STK3: variants seen among roughly 807,000 people sequenced by gnomAD.
STK3 encodes serine/threonine kinase 3, also known as serine/threonine-protein kinase 3.
Under a neutral mutation model 58.0 loss-of-function variants are expected in STK3, and 41 were observed. The ratio of observed to expected loss-of-function variants is 0.71; its 90% confidence interval spans 0.55 to 0.92. The LOEUF is 0.92. Ranked by LOEUF, STK3 falls within the 40% of genes least tolerant of loss-of-function variation. The pLI is 0.00. For missense variants in STK3, 479 were observed against 602.7 expected (o/e 0.79, Z 2.15); for synonymous variants, 170 against 191.0 (o/e 0.89, Z 0.91).
chr8:98,647,827 C>A (rs1012936075), intron 6 of STK3, among the ~76,000 whole-genome samples: 12 of 152,150 alleles, frequency 7.9e-5, no homozygotes, highest in African/African-American at 2.9e-4. Flanking sequence ...TATCTAATGT[C>A]TCCTCCTTAA....
intron 6 of STK3, among the ~76,000 whole-genome samples, chr8:98,660,077 A>AT (rs1304660360): frequency 6.6e-6 from 1 of 152,078 alleles, no homozygotes; most frequent in Non-Finnish European, 1.5e-5. Context: ...ATATAATTGA[A>AT]TATTATTTAG....
At chr8:98,507,166 T>A (rs1824163200) in intron 10 of STK3, among the ~76,000 whole-genome samples, 1 of 152,202 alleles carries the variant, frequency 6.6e-6, no homozygotes, top group South Asian at 2.1e-4. Flanking sequence ...TGGTTTTAAA[T>A]ACCATCTATA....
At chr8:98,859,736 T>C (rs914250056) in intron 3 of STK3, among the ~76,000 whole-genome samples, 1 of 152,212 alleles carries the variant, frequency 6.6e-6, no homozygotes, top group Non-Finnish European at 1.5e-5. Context: ...AGCATGACCA[T>C]GCTTATGTAT....
At chr8:98,742,970 C>A (rs1285250206) in intron 4 of STK3, among the ~76,000 whole-genome samples, 10 of 151,866 alleles carry the variant, frequency 6.6e-5, no homozygotes, top group African/African-American at 1.9e-4. Context: ...TGAGTGAATT[C>A]CCATTCACAA....
At chr8:98,725,409 C>T (rs377707462) in intron 4 of STK3, among the ~76,000 whole-genome samples, 2 of 151,960 alleles carry the variant, frequency 1.3e-5, no homozygotes, top group African/African-American at 2.4e-5. Flanking sequence ...ACAATGTGCT[C>T]GTGTTATGTT....
chr8:98,534,057 T>C (rs550114270), intron 9 of STK3, among the ~76,000 whole-genome samples: 2 of 152,348 alleles, frequency 1.3e-5, no homozygotes, highest in African/African-American at 4.8e-5. Flanking sequence ...GTATTGTGAC[T>C]ACTACAATTA....
At chr8:98,661,974 C>T (rs1237067402) in intron 6 of STK3, among the ~76,000 whole-genome samples, 1 of 152,046 alleles carries the variant, frequency 6.6e-6, no homozygotes, top group Non-Finnish European at 1.5e-5. Flanking sequence ...CTATAAACAC[C>T]TGCTTGCTAT....
At chr8:98,519,914 C>T (rs958893321) in intron 10 of STK3, among the ~76,000 whole-genome samples, 1 of 152,114 alleles carries the variant, frequency 6.6e-6, no homozygotes, top group Non-Finnish European at 1.5e-5. Context: ...CTAGTAATTA[C>T]TGTCAATCCA....
chr8:98,588,173 G>C (rs1165498263), intron 7 of STK3, among the ~76,000 whole-genome samples: 2 of 151,996 alleles, frequency 1.3e-5, no homozygotes, highest in Admixed American at 6.5e-5. Context: ...CTCGTTAGTT[G>C]ATGCAGTTTC....
chr8:98,740,765 G>A (rs1587479552), intron 4 of STK3, among the ~76,000 whole-genome samples: 1 of 152,198 alleles, frequency 6.6e-6, no homozygotes, highest in East Asian at 1.9e-4. Context: ...AAATGTAAAT[G>A]GACTAAATGC....
At chr8:98,659,553 G>GA (rs1325353525) in intron 6 of STK3, among the ~76,000 whole-genome samples, 1 of 151,010 alleles carries the variant, frequency 6.6e-6, no homozygotes, top group Non-Finnish European at 1.5e-5. Flanking sequence ...TTGCTCAGTT[G>GA]AAAAGTTATA....
At chr8:98,615,143 G>A (rs1355266968) in intron 6 of STK3, among the ~76,000 whole-genome samples, 1 of 151,778 alleles carries the variant, frequency 6.6e-6, no homozygotes, top group African/African-American at 2.4e-5. Context: ...CCTCAAGTGG[G>A]TCCCTGACCC....
chr8:98,696,731 T>C (rs1201979468), intron 6 of STK3, among the ~76,000 whole-genome samples: 1 of 152,136 alleles, frequency 6.6e-6, no homozygotes. Context: ...TGGATAAGCT[T>C]TTTGATGTGC....
chr8:98,840,105 G>C (rs1835909257), intron 3 of STK3, among the ~76,000 whole-genome samples: 1 of 152,120 alleles, frequency 6.6e-6, no homozygotes, highest in South Asian at 2.1e-4. Flanking sequence ...CCAGCACTTT[G>C]AGAAGCTGAG....
intron 8 of STK3, among the ~76,000 whole-genome samples, chr8:98,551,944 C>T (rs1427201413): frequency 6.6e-6 from 1 of 152,010 alleles, no homozygotes; most frequent in Non-Finnish European, 1.5e-5. Flanking sequence ...TCTGAAAACA[C>T]TGAGGTCCAC....
At chr8:98,434,553 T>C (rs1818417335) in intron 2 of STK3, among the ~76,000 whole-genome samples, 1 of 152,230 alleles carries the variant, frequency 6.6e-6, no homozygotes, top group Non-Finnish European at 1.5e-5. Context: ...AACATTTTCC[T>C]CCTTCTGGGA....
upstream of STK3, among the ~76,000 whole-genome samples, chr8:98,390,082 A>G (rs1034930238): frequency 2.6e-5 from 4 of 152,172 alleles, no homozygotes; most frequent in Non-Finnish European, 4.4e-5. Context: ...TGCATTTTCA[A>G]TAAACTGTTT....
intron 8 of STK3, among the ~76,000 whole-genome samples, chr8:98,555,410 T>C (rs1808060827): frequency 6.6e-6 from 1 of 152,136 alleles, no homozygotes; most frequent in African/African-American, 2.4e-5. Context: ...AATATAAAAA[T>C]AGAATATTTC....
intron 9 of STK3, among the ~76,000 whole-genome samples, chr8:98,541,052 T>C (rs1810214840): frequency 6.6e-6 from 1 of 152,208 alleles, no homozygotes; most frequent in South Asian, 2.1e-4. Flanking sequence ...CTATTCCTCG[T>C]TGTGGCAGTA....
Sources: allele counts gnomAD v4.1 joint callset (sites outside exome capture counted in the v4.1 genomes callset), GRCh38; gene constraint gnomAD v4.1.1; transcripts MANE v1.5; gene names NCBI Gene and HGNC (gene_info 2026-07-23, HGNC 2026-07-21).